HIBCH: variants seen among roughly 807,000 people sequenced by gnomAD.
The protein encoded by HIBCH is 3-hydroxyisobutyryl-CoA hydrolase.
Under a neutral mutation model 58.2 loss-of-function variants are expected in HIBCH, and 50 were observed. The ratio of observed to expected loss-of-function variants is 0.86; its 90% CI spans 0.68 to 1.09. The LOEUF (loss-of-function observed/expected upper bound fraction) is 1.09, where lower values mean the gene tolerates loss of function less well. Among genes scored for constraint, HIBCH ranks in the 50% least tolerant of loss-of-function variants. The pLI is 0.00. For missense variants in HIBCH, 450 were observed against 449.7 expected, an observed-to-expected ratio of 1.00 and a Z score of -0.01; for synonymous variants, 151 against 146.9, an observed-to-expected ratio of 1.03 and a Z score of -0.20.
At chr2:190,231,315 C>T (rs1686089069) in intron 11 of HIBCH, among the ~76,000 whole-genome samples, 4 of 152,062 alleles carry the variant, frequency 2.6e-5, no homozygotes, top group African/African-American at 7.2e-5. Context: ...TTTCTTAGGA[C>T]ACAGAAATCA....
At chr2:190,269,764 CA>C (rs1272069708) in intron 6 of HIBCH, among the ~76,000 whole-genome samples, 2 of 152,190 alleles carry the variant, frequency 1.3e-5, no homozygotes, top group African/African-American at 4.8e-5. Context: ...TATAAAGACA[CA>C]TGCACACATA....
intron 1 of HIBCH, among the ~76,000 whole-genome samples, chr2:190,318,863 T>G (rs1688774370): frequency 2.0e-5 from 3 of 152,226 alleles, no homozygotes; most frequent in African/African-American, 7.2e-5. Flanking sequence ...AAAAATTTAC[T>G]GAGAATTAGG....
intron 2 of HIBCH, among the ~76,000 whole-genome samples, chr2:190,297,464 T>A (rs1688132409): frequency 6.6e-6 from 1 of 152,160 alleles, no homozygotes; most frequent in South Asian, 2.1e-4. Context: ...TTGGAAATGT[T>A]AAGATGTTAA....
chr2:190,291,022 T>A (rs571986650), intron 4 of HIBCH, among the ~76,000 whole-genome samples: 4 of 152,250 alleles, frequency 2.6e-5, no homozygotes, highest in African/African-American at 9.6e-5. Flanking sequence ...TTAAAAAAAA[T>A]AATAATATAT....
intron 6 of HIBCH, among the ~76,000 whole-genome samples, chr2:190,264,529 CTAGATA>C (rs1687177932): frequency 6.6e-6 from 1 of 151,932 alleles, no homozygotes; most frequent in Non-Finnish European, 1.5e-5. Context: ...TCTGGTTTAT[CTAGATA>C]TAAATAGAAT....
intron 2 of HIBCH, among the ~76,000 whole-genome samples, chr2:190,303,915 T>G (rs1296163344): frequency 1.3e-5 from 2 of 152,280 alleles, no homozygotes; most frequent in Non-Finnish European, 2.9e-5. Context: ...ACTTTTCCTC[T>G]GTCATATTCT....
At chr2:190,253,152 G>A (rs1575726965) in intron 7 of HIBCH, among the ~76,000 whole-genome samples, 2 of 152,046 alleles carry the variant, frequency 1.3e-5, no homozygotes, top group Admixed American at 1.3e-4. Flanking sequence ...CCACTGCACT[G>A]CAGCCTGGGC....
In HIBCH at chr2:190,315,846, G is replaced by C. The variant is rs1688698302; in HGVS notation, c.35+3870C>G. Among the ~76,000 whole-genome samples, 1 of 152,166 alleles carries C rather than the reference G, an allele frequency of 6.6e-6. No individual in the cohort carries two copies. Among genetic ancestry groups the C allele is most frequent in the African/African-American group, 2.4e-5 (1 of 41,440 alleles). On this transcript the variant is annotated intron_variant, in intron 1 of 13. Transcript: ENST00000359678. This position sits in a 1 kb window ranked among gnomAD's most constrained non-coding sequence, Gnocchi z 5.4. ...AAGCCAGGACAACCAGGAGAATATA[G>C]AAAAGACAGGGAAAGAAGCTAGCTG...
intron 11 of HIBCH, among the ~76,000 whole-genome samples, chr2:190,219,921 A>T (rs1685668680): frequency 6.6e-6 from 1 of 152,248 alleles, no homozygotes; most frequent in African/African-American, 2.4e-5. Flanking sequence ...GTAGAAATAC[A>T]GTAGCTCTTT....
intron 12 of HIBCH, among the ~76,000 whole-genome samples, chr2:190,212,298 G>A (rs901250281): frequency 6.6e-6 from 1 of 152,050 alleles, no homozygotes; most frequent in Non-Finnish European, 1.5e-5. Flanking sequence ...AAGTCATTAG[G>A]AATGTCTCCT....
intron 8 of HIBCH, chr2:190,250,469 C>G: frequency 7.0e-6 from 3 of 428,898 alleles, no homozygotes; most frequent in Non-Finnish European, 1.4e-5. Flanking sequence ...TTTTCATATC[C>G]TCTACAGCCC....
chr2:190,249,617 G>T, intron 9 of HIBCH, 23 bp downstream of exon 9: 1 of 1,381,320 alleles, frequency 7.2e-7, no homozygotes, highest in Non-Finnish European at 1.0e-6. Context: ...TAAAACCTGA[G>T]GTTAGAATAT....
intron 4 of HIBCH, among the ~76,000 whole-genome samples, chr2:190,294,145 T>C (rs982925967): frequency 1.3e-5 from 2 of 151,254 alleles, no homozygotes; most frequent in East Asian, 1.9e-4. Context: ...TATGGAAATA[T>C]GTGAGAGCAT....
At position 190,265,704 on chromosome 2, in the gene HIBCH, A is replaced by G. The variant is rs558806032; in HGVS notation, c.439-4470T>C. On this transcript the variant is annotated intron_variant, in intron 6 of 13. Transcript: ENST00000359678. Reference sequence around the variant, plus strand: ...AACCCCTGGGACTGAAATTTTCTTCATAAAAAGGTTTTTAAAGACTTACTT... The same window carrying G: ...AACCCCTGGGACTGAAATTTTCTTCGTAAAAAGGTTTTTAAAGACTTACTT... Among the ~76,000 whole-genome samples, 3 of 152,288 alleles carry G rather than the reference A, an allele frequency of 2.0e-5. No individual in the cohort carries two copies. The South Asian group carries it at 6.2e-4, about 32-fold the overall frequency.
chr2:190,250,257 C>T (rs1169311552), intron 8 of HIBCH: 4 of 369,982 alleles, frequency 1.1e-5, no homozygotes, highest in Non-Finnish European at 2.2e-5. Flanking sequence ...TGATAATACT[C>T]ACCTTAAGGC....
rs1372669161 is a variant in HIBCH at position 190,211,837 on chromosome 2, C to A, written c.1011+1119G>T. 6.6e-6 allele frequency among the ~76,000 whole-genome samples: 1 copy of A among 152,194 alleles called. No individual in the cohort carries two copies. Among genetic ancestry groups the A allele is most frequent in the Non-Finnish European group, 1.5e-5 (1 of 68,042 alleles). On this transcript the variant is annotated intron_variant, in intron 12 of 13. Transcript: ENST00000359678. The surrounding 1 kb of genome is among the most constrained non-coding windows in gnomAD (Gnocchi z 5.0). Reference sequence around the variant, plus strand: ...AACAATATAAGGCTAACACTGAGCACAGTGCCTGGGACATAGCTAACATAT... The same window carrying A: ...AACAATATAAGGCTAACACTGAGCAAAGTGCCTGGGACATAGCTAACATAT...
chr2:190,193,733 G>C (rs1003644927), intron 1 of HIBCH, among the ~76,000 whole-genome samples: 12 of 152,126 alleles, frequency 7.9e-5, no homozygotes, highest in Non-Finnish European at 1.2e-4. Flanking sequence ...TCTGTATAGA[G>C]ATGTATCTAT....
chr2:190,287,713 T>A, intron 5 of HIBCH, 75 bp from the exon 6 acceptor site: 2 of 1,036,150 alleles, frequency 1.9e-6, no homozygotes, highest in South Asian at 2.8e-5. Flanking sequence ...AAAACCCACA[T>A]TATATATACT....
At chr2:190,263,470 A>G (rs1193832669) in intron 6 of HIBCH, among the ~76,000 whole-genome samples, 1 of 152,132 alleles carries the variant, frequency 6.6e-6, no homozygotes, top group Non-Finnish European at 1.5e-5. Flanking sequence ...ACCTGCCACA[A>G]TAATTAGATG....
Sources: allele counts gnomAD v4.1 joint callset (sites outside exome capture counted in the v4.1 genomes callset), GRCh38; gene constraint gnomAD v4.1.1; non-coding constraint Gnocchi (gnomAD v3.1); transcripts MANE v1.5; gene names NCBI Gene and HGNC (gene_info 2026-07-23, HGNC 2026-07-21).